The following SDHD variants were observed in gnomAD, a reference collection of about 807,000 sequenced individuals.
SDHD encodes succinate dehydrogenase [ubiquinone] cytochrome b small subunit, mitochondrial.
SDHD carries 6 observed loss-of-function variants against 18.7 expected under a neutral mutation model. That is an observed-to-expected ratio of 0.32 (90% CI 0.18 to 0.63). The LOEUF is 0.63. Among genes scored for constraint, SDHD ranks in the 30% least tolerant of loss-of-function variants. SDHD has a pLI of 0.79. For synonymous variants in SDHD, 56 were observed against 73.9 expected (o/e 0.76, Z 1.24); for missense variants, 160 against 192.7 (o/e 0.83, Z 1.00).
intron 3 of SDHD, chr11:112,093,103 TGGCTCGGCACGATCTC>T: frequency 2.8e-6 from 1 of 359,838 alleles, no homozygotes; most frequent in Non-Finnish European, 5.7e-6. Flanking sequence ...GGTGCGATCT[TGGCTCGGCACGATCTC>T]GGCTCAGCAC....
intron 3 of SDHD, chr11:112,093,227 TG>T: frequency 3.3e-6 from 1 of 300,698 alleles, no homozygotes; most frequent in Non-Finnish European, 6.7e-6. Flanking sequence ...CCACCACGCC[TG>T]GCTAATTTTG....
chr11:112,089,904 A>G (rs1865712048), intron 3 of SDHD, among the ~76,000 whole-genome samples: 1 of 152,014 alleles, frequency 6.6e-6, no homozygotes, highest in African/African-American at 2.4e-5. Context: ...TTATCACCCA[A>G]ATGTATATCC....
chr11:112,089,924 A>G (rs1865712677), intron 3 of SDHD, among the ~76,000 whole-genome samples: 2 of 151,528 alleles, frequency 1.3e-5, no homozygotes, highest in Non-Finnish European at 2.9e-5. Context: ...CCTAAATAGT[A>G]TAGTTTATTC....
At chr11:112,088,203 G>GT (rs1865663131) in intron 2 of SDHD, 1 of 551,766 alleles carries the variant, frequency 1.8e-6, no homozygotes, top group Non-Finnish European at 3.2e-6. Flanking sequence ...TTTTTCTTTT[G>GT]TTTTCTTTTT....
At chr11:112,094,241 T>C (rs1053840307) in intron 3 of SDHD, among the ~76,000 whole-genome samples, 15 of 151,732 alleles carry the variant, frequency 9.9e-5, no homozygotes, top group African/African-American at 3.4e-4. Context: ...CTACTAAAAA[T>C]ACAAAAATTA....
At chr11:112,093,112 A>G (rs1270585677) in intron 3 of SDHD, 4 of 359,624 alleles carry the variant, frequency 1.1e-5, no homozygotes, top group African/African-American at 4.9e-5. Flanking sequence ...TTGGCTCGGC[A>G]CGATCTCGGC....
chr11:112,094,734 A>G (rs924071097), intron 3 of SDHD, 71 bp from the exon 4 acceptor site: 2 of 1,395,872 alleles, frequency 1.4e-6, no homozygotes, highest in Admixed American at 1.9e-5. Flanking sequence ...TTTTGCAGCC[A>G]AGTTATCTGT....
intron 3 of SDHD, among the ~76,000 whole-genome samples, chr11:112,090,347 G>A (rs530397552): frequency 6.6e-6 from 1 of 151,958 alleles, no homozygotes; most frequent in Non-Finnish European, 1.5e-5. Flanking sequence ...CTGACCTCAG[G>A]TGATCTGCCC....
rs1828578458 is a variant in SDHD, at chr11:112,095,500, A to G, written c.*530A>G. 1 of 235,850 alleles carries G rather than the reference A, an allele frequency of 4.2e-6. No individual in the cohort carries two copies. Among genetic ancestry groups the G allele is most frequent in the Non-Finnish European group, 8.4e-6 (1 of 119,458 alleles). The allele number at this position is 235,850 out of a possible 1,614,324, so 14.6% of individuals were successfully genotyped here. Reference sequence around the variant, plus strand: ...TAAAATTAGGAAATGCTGATAGCTCATATTATAAATTTCTAAATCCTAGGA... The same window carrying G: ...TAAAATTAGGAAATGCTGATAGCTCGTATTATAAATTTCTAAATCCTAGGA... On this transcript the variant is annotated 3_prime_UTR_variant, in exon 4 of 4. Transcript: ENST00000375549.
intron 3 of SDHD, chr11:112,091,239 A>G: frequency 3.9e-6 from 1 of 253,562 alleles, no homozygotes; most frequent in Non-Finnish European, 6.2e-6. Flanking sequence ...TTGGGGTCTT[A>G]TCCCAACTAT....
chr11:112,088,803 T>C (rs1566694135), intron 2 of SDHD, 64 bp from the exon 3 acceptor site: 1 of 1,591,256 alleles, frequency 6.3e-7, no homozygotes, highest in Non-Finnish European at 8.6e-7. Context: ...CTGTGTGGCA[T>C]ATGTTGAACA....
At chr11:112,090,139 G>A (rs1418275490) in intron 3 of SDHD, among the ~76,000 whole-genome samples, 1 of 152,002 alleles carries the variant, frequency 6.6e-6, no homozygotes, top group Admixed American at 6.6e-5. Flanking sequence ...ACAGAGTCTC[G>A]CTCTGTTGCC....
At chr11:112,087,190 C>T (rs894056577) in intron 1 of SDHD, among the ~76,000 whole-genome samples, 2 of 152,146 alleles carry the variant, frequency 1.3e-5, no homozygotes, top group South Asian at 2.1e-4. Context: ...CTCTGGAAGT[C>T]GCAGTCCTGA....
chr11:112,093,027 CTTTTTTTTT>C (rs1161641648), intron 3 of SDHD: 7 of 135,684 alleles, frequency 5.2e-5, no homozygotes, highest in South Asian at 3.5e-4. Flanking sequence ...TATTGTATGG[CTTTTTTTTT>C]TTTTTTTTTT....
intron 3 of SDHD, chr11:112,090,976 G>A (rs958968996): frequency 7.0e-5 from 25 of 358,218 alleles, no homozygotes; most frequent in Admixed American, 6.4e-4. Context: ...GATTATAGGT[G>A]TGAACCACCG....
intron 1 of SDHD, 131 bp from the exon 2 acceptor site, chr11:112,087,726 C>T: frequency 1.3e-6 from 1 of 759,686 alleles, no homozygotes. Context: ...GAAATAGATG[C>T]TATCTTCATT....
intron 3 of SDHD, among the ~76,000 whole-genome samples, chr11:112,091,929 G>A (rs187702008): frequency 4.6e-5 from 7 of 152,294 alleles, no homozygotes; most frequent in African/African-American, 1.7e-4. Flanking sequence ...TAAGCTGGGC[G>A]TGGTGGCACA....
At position 112,095,230 on chromosome 11, in the gene SDHD, T is replaced by A. The variant is rs149570245; in HGVS notation, c.*260T>A. The A allele has an allele frequency of 0.016, 7,847 of 499,770 alleles. 462 individuals are homozygous for A. The highest frequency in any genetic ancestry group is 0.13 in the African/African-American group (6,939 of 52,334). The allele number at this position is 499,770 out of a possible 1,614,324, so 31.0% of individuals were successfully genotyped here. A position where few individuals can be genotyped will look rare whatever the true frequency, so the allele number is the denominator to read the frequency against. On this transcript the variant is annotated 3_prime_UTR_variant, in exon 4 of 4. Transcript: ENST00000375549. ...CCAGCTTCTTATAAGACTCACAGTA[T>A]AACTAAACATGATATATCAGCTTTT...
chr11:112,087,042 G>T, intron 1 of SDHD, 83 bp downstream of exon 1: 1 of 1,492,090 alleles, frequency 6.7e-7, no homozygotes. Flanking sequence ...TCTGCCGGGT[G>T]GGAGATCTCT....
Sources: allele counts gnomAD v4.1 joint callset (sites outside exome capture counted in the v4.1 genomes callset), GRCh38; gene constraint gnomAD v4.1.1; transcripts MANE v1.5; gene names NCBI Gene and HGNC (gene_info 2026-07-23, HGNC 2026-07-21).